Variants in KIF13A observed in about 807,000 individuals in gnomAD.
KIF13A encodes the protein kinesin-like protein KIF13A.
KIF13A carries 79 observed loss-of-function variants against 212.2 expected under a neutral mutation model. The observed-to-expected ratio is 0.37, with a 90% CI of 0.31 to 0.45. The LOEUF (loss-of-function observed/expected upper bound fraction) is 0.45, where lower values mean the gene tolerates loss of function less well. Among genes scored for constraint, KIF13A ranks in the 20% least tolerant of loss-of-function variants. The probability of loss-of-function intolerance (pLI) is 1.00; values close to 1 mark genes in which losing one functional copy is unlikely to be tolerated. For missense variants in KIF13A, 1,901 were observed against 2,209.0 expected, an observed-to-expected ratio of 0.86 and a Z score of 2.79; for synonymous variants, 789 against 808.6, an observed-to-expected ratio of 0.98 and a Z score of 0.41.
intron 4 of KIF13A, among the ~76,000 whole-genome samples, chr6:17,860,573 T>C (rs1051318465): frequency 4.6e-5 from 7 of 152,120 alleles, no homozygotes; most frequent in Admixed American, 1.3e-4. Flanking sequence ...TGGCACACAA[T>C]AGGCATCTGT....
chr6:17,972,646 G>A (rs1779906606), intron 2 of KIF13A, among the ~76,000 whole-genome samples: 1 of 152,070 alleles, frequency 6.6e-6, no homozygotes, highest in South Asian at 2.1e-4. Flanking sequence ...TATGCAGTTC[G>A]TCGTTTTGCG....
rs187381631 is a variant in KIF13A at position 17,815,731 on chromosome 6, T to C, written c.2000+1289A>G. On this transcript the variant is annotated intron_variant, in intron 17 of 38. Coordinates refer to ENST00000259711, the MANE Select transcript of KIF13A (RefSeq NM_022113.6). ...CATATATAATCATATCTATAATCTATTTCTAGTATAACTATTCTTATTCTA... is the reference window on the plus strand; with the variant it reads ...CATATATAATCATATCTATAATCTACTTCTAGTATAACTATTCTTATTCTA... 4.2e-3 allele frequency: 1,085 copies of C among 259,998 alleles called. 12 individuals are homozygous for C. The highest frequency in any genetic ancestry group is 0.022 in the African/African-American group (1,015 of 45,140). 16.1% of individuals were successfully genotyped at this position (259,998 alleles called of 1,614,324 possible).
At position 17,834,133 on chromosome 6, in the gene KIF13A, A is replaced by C; in HGVS notation, c.1156-62T>G. The stretch of plus-strand genomic sequence containing the variant: ...TTTTTCCACCATCATATACAAGACA[A>C]TCAGTTACTGTCCCTCTTAAGCAGT... On this transcript the variant is annotated intron_variant, in intron 11 of 38. Transcript: ENST00000259711. This position sits in a 1 kb window ranked among gnomAD's most constrained non-coding sequence, Gnocchi z 4.0. 3.2e-6 allele frequency: 3 copies of C among 942,484 alleles called. No homozygotes were observed. Among genetic ancestry groups the C allele is most frequent in the Non-Finnish European group, 3.2e-6 (2 of 628,354 alleles). 58.4% of individuals were successfully genotyped at this position (942,484 alleles called of 1,614,324 possible). A position where few individuals can be genotyped will look rare whatever the true frequency, so the allele number is the denominator to read the frequency against.
At chr6:17,866,888 C>CAT (rs200406349) in intron 4 of KIF13A, among the ~76,000 whole-genome samples, 2 of 140,430 alleles carry the variant, frequency 1.4e-5, no homozygotes, top group East Asian at 2.1e-4. Context: ...TACACACACA[C>CAT]ATATATATAC....
In KIF13A at chr6:17,837,360, T is replaced by C; in HGVS notation, c.942+112A>G. ...CTGTGTTCCTAGGAATTAGAATAAC[T>C]GTCATCAGGAGAGTTCTTTAGGTAT... On this transcript the variant is annotated intron_variant, in intron 10 of 38. Transcript: ENST00000259711. This position sits in a 1 kb window ranked among gnomAD's most constrained non-coding sequence, Gnocchi z 5.4. 1 of 730,888 alleles carries C rather than the reference T, an allele frequency of 1.4e-6. No homozygotes were observed. Among genetic ancestry groups the C allele is most frequent in the Non-Finnish European group, 2.3e-6 (1 of 434,688 alleles). The allele number at this position is 730,888 out of a possible 1,614,324, so 45.3% of individuals were successfully genotyped here.
intron 2 of KIF13A, among the ~76,000 whole-genome samples, chr6:17,974,724 G>A (rs1381500089): frequency 1.3e-5 from 2 of 152,092 alleles, no homozygotes; most frequent in Admixed American, 6.6e-5. Context: ...TCTGGGTCTG[G>A]GACCCAACCA....
At chr6:17,817,782 T>G (rs188948279) in intron 16 of KIF13A, among the ~76,000 whole-genome samples, 1 of 152,348 alleles carries the variant, frequency 6.6e-6, no homozygotes, top group East Asian at 1.9e-4. Context: ...CTTAAGGATA[T>G]GGTCTGGCAA....
chr6:17,851,295 C>G (rs528105483), intron 7 of KIF13A, among the ~76,000 whole-genome samples: 77 of 152,298 alleles, frequency 5.1e-4, no homozygotes, highest in Non-Finnish European at 8.4e-4. Context: ...TTTAGCCATA[C>G]TAAGTCTGGG....
chr6:17,939,511 T>C (rs1776761822), intron 2 of KIF13A, among the ~76,000 whole-genome samples: 1 of 152,200 alleles, frequency 6.6e-6, no homozygotes, highest in African/African-American at 2.4e-5. Context: ...CCTTCTTGAA[T>C]GTAGCAAGGG....
intron 2 of KIF13A, among the ~76,000 whole-genome samples, chr6:17,902,223 C>G (rs532266020): frequency 6.6e-6 from 1 of 152,296 alleles, no homozygotes; most frequent in East Asian, 1.9e-4. Context: ...ATTTCACTAA[C>G]ACTTGCCTAA....
At chr6:17,853,128 A>C (rs1190280082) in intron 6 of KIF13A, among the ~76,000 whole-genome samples, 1 of 152,230 alleles carries the variant, frequency 6.6e-6, no homozygotes, top group Non-Finnish European at 1.5e-5. Context: ...AATGCATCCC[A>C]AAGTCCTGGC....
chr6:17,796,439 C>T (rs12207027), intron 23 of KIF13A, among the ~76,000 whole-genome samples: 37,974 of 151,328 alleles, frequency 0.25, 4,937 homozygotes, highest in South Asian at 0.4. Flanking sequence ...GATGTGGTTT[C>T]ACCATGTTGG....
rs1372216549 is a variant in KIF13A, at chr6:17,934,320, T to G, written c.147-36140A>C. Among the ~76,000 whole-genome samples, 1 of 152,174 alleles carries G rather than the reference T, an allele frequency of 6.6e-6. No homozygotes were observed. The highest frequency in any genetic ancestry group is 1.5e-5 in the Non-Finnish European group (1 of 68,038). On this transcript the variant is annotated intron_variant, in intron 2 of 38. Transcript: ENST00000259711. This position sits in a 1 kb window ranked among gnomAD's most constrained non-coding sequence, Gnocchi z 5.4. ...TTGCAGGTAGGCAAGAAAAGAAACC[T>G]ACACCAGTTGCTTAAGTGCAGACGA...
At position 17,837,010 on chromosome 6, in the gene KIF13A, G is replaced by A; in HGVS notation, c.1023C>T (p.Ser341=). The change falls in exon 11 of 39, where the codon TCC becomes TCT. Residue 341 remains serine, a synonymous_variant. Coordinates refer to ENST00000259711, the MANE Select transcript of KIF13A (RefSeq NM_022113.6). The surrounding 1 kb of genome is among the most constrained non-coding windows in gnomAD (Gnocchi z 5.4). ...TGGCTCGGTCTGCATATCTTAATGT[G>A]GAGAGGGTCTCTTCATAGTTGTCTG... ...PAADNYEETL[S]TLRYADRAKR... 6.2e-7 allele frequency: 1 copy of A among 1,613,944 alleles called. No homozygotes were observed. The highest frequency in any genetic ancestry group is 8.5e-7 in the Non-Finnish European group (1 of 1,179,886).
chr6:17,946,524 T>C (rs1777414829), intron 2 of KIF13A, among the ~76,000 whole-genome samples: 1 of 151,272 alleles, frequency 6.6e-6, no homozygotes, highest in Admixed American at 6.6e-5. Context: ...GCCGATAAAA[T>C]ATATGAAAAG....
chr6:17,876,171 C>A (rs774995298), intron 3 of KIF13A, among the ~76,000 whole-genome samples: 5 of 152,156 alleles, frequency 3.3e-5, no homozygotes, highest in Admixed American at 6.6e-5. Context: ...ACTGCTATTG[C>A]CCTTTATCTC....
Position 17,785,779 on chromosome 6 carries a change from G to T in KIF13A, c.3362-138C>A. ...AAAAAAAAAATAGTTGGGCAGGGTGGTGGTACGCATGCCTGTAGTCCCAGA... is the reference window on the plus strand; with the variant it reads ...AAAAAAAAAATAGTTGGGCAGGGTGTTGGTACGCATGCCTGTAGTCCCAGA... On this transcript the variant is annotated intron_variant, in intron 27 of 38. Transcript: ENST00000259711. The surrounding 1 kb of genome is among the most constrained non-coding windows in gnomAD (Gnocchi z 5.8). The T allele has an allele frequency of 1.1e-6, 1 of 883,976 alleles. No homozygotes were observed. The highest frequency in any genetic ancestry group is 1.7e-6 in the Non-Finnish European group (1 of 576,760). 54.8% of individuals were successfully genotyped at this position (883,976 alleles called of 1,614,324 possible).
In KIF13A at chr6:17,773,811, A is replaced by C. The variant is rs896456139; in HGVS notation, c.4219-228T>G. 6.6e-6 allele frequency among the ~76,000 whole-genome samples: 1 copy of C among 152,174 alleles called. No homozygotes were observed. The highest frequency in any genetic ancestry group is 2.4e-5 in the African/African-American group (1 of 41,412). Reference sequence around the variant, plus strand: ...GTTAATATTTTATTATATTTGCTCAAGTTTAATAAAATTATTACAAATGTA... The same window carrying C: ...GTTAATATTTTATTATATTTGCTCACGTTTAATAAAATTATTACAAATGTA... On this transcript the variant is annotated intron_variant, in intron 35 of 38. Coordinates refer to ENST00000259711, the MANE Select transcript of KIF13A (RefSeq NM_022113.6). This position sits in a 1 kb window ranked among gnomAD's most constrained non-coding sequence, Gnocchi z 4.2.
rs139317662 is a variant in KIF13A at position 17,975,402 on chromosome 6, T to C, written c.146+11652A>G. ...ATTACAAATCTTAAGTTGGCGCGTC[T>C]GGAGTTTTTTCCTTTTGGTGGGTTC... On this transcript the variant is annotated intron_variant, in intron 2 of 38. Transcript: ENST00000259711. 4.5e-3 allele frequency among the ~76,000 whole-genome samples: 683 copies of C among 152,284 alleles called. 2 individuals carry two copies. Among genetic ancestry groups the C allele is most frequent in the Non-Finnish European group, 8.0e-3 (546 of 68,022 alleles).
Sources: allele counts gnomAD v4.1 joint callset (sites outside exome capture counted in the v4.1 genomes callset), GRCh38; gene constraint gnomAD v4.1.1; non-coding constraint Gnocchi (gnomAD v3.1); transcripts MANE v1.5; gene names NCBI Gene and HGNC (gene_info 2026-07-23, HGNC 2026-07-21).